The following FAM107A variants were observed in gnomAD, a reference collection of about 807,000 sequenced individuals.
FAM107A encodes family with sequence similarity 107 member A, also known as actin-associated protein FAM107A.
FAM107A carries 19 observed loss-of-function variants against 13.7 expected under a neutral mutation model. That is an observed-to-expected ratio of 1.38 (90% confidence interval 0.97 to 2.03). The LOEUF (loss-of-function observed/expected upper bound fraction) is 2.03, where lower values mean the gene tolerates loss of function less well. Among genes scored for constraint, FAM107A ranks in the 30% most tolerant of loss-of-function variants. The probability of loss-of-function intolerance (pLI) is 0.00; values close to 1 mark genes in which losing one functional copy is unlikely to be tolerated. For synonymous variants in FAM107A, 82 were observed against 74.5 expected (o/e 1.10, Z -0.52); for missense variants, 203 against 184.4 (o/e 1.10, Z -0.58).
intron 1 of FAM107A, among the ~76,000 whole-genome samples, chr3:58,592,756 A>G (rs1409439291): frequency 6.6e-6 from 1 of 152,214 alleles, no homozygotes; most frequent in African/African-American, 2.4e-5. Flanking sequence ...AGGACTGGAC[A>G]GTACTTTTAC....
chr3:58,607,809 C>T (rs1047470990), intron 1 of FAM107A: 2 of 152,228 alleles, frequency 1.3e-5, no homozygotes, highest in African/African-American at 4.8e-5. Context: ...TTCTGTTCTA[C>T]AACTGCAAGG....
chr3:58,596,723 G>A (rs531574080), intron 1 of FAM107A, among the ~76,000 whole-genome samples: 1 of 151,558 alleles, frequency 6.6e-6, no homozygotes, highest in African/African-American at 2.4e-5. Context: ...CCATTGTGCA[G>A]CTCAGTGAGG....
intron 1 of FAM107A, among the ~76,000 whole-genome samples, chr3:58,574,996 G>T (rs1318161112): frequency 6.6e-6 from 1 of 152,172 alleles, no homozygotes; most frequent in East Asian, 1.9e-4. Flanking sequence ...GACAGAAGGA[G>T]AGCTGCACTG....
upstream of FAM107A, among the ~76,000 whole-genome samples, chr3:58,590,720 C>G (rs1437797274): frequency 2.0e-5 from 3 of 152,200 alleles, no homozygotes; most frequent in Admixed American, 6.5e-5. Flanking sequence ...GTCACGAGAA[C>G]AGCATGGGGG....
intron 1 of FAM107A, among the ~76,000 whole-genome samples, chr3:58,602,417 A>G (rs2065760674): frequency 6.6e-6 from 1 of 152,216 alleles, no homozygotes; most frequent in African/African-American, 2.4e-5. Flanking sequence ...TGAAAGCCCT[A>G]CAAACCAGGC....
chr3:58,579,727 G>A (rs916551946), upstream of FAM107A, among the ~76,000 whole-genome samples: 6 of 152,138 alleles, frequency 3.9e-5, no homozygotes, highest in South Asian at 2.1e-4. Context: ...GCTCATCCCC[G>A]GAGAAGACAG....
At chr3:58,596,621 G>T (rs1040802768) in intron 1 of FAM107A, among the ~76,000 whole-genome samples, 2 of 151,572 alleles carry the variant, frequency 1.3e-5, no homozygotes, top group East Asian at 3.9e-4. Context: ...GGAGGTTGCA[G>T]TGAGCCCAGA....
At chr3:58,602,754 G>A (rs1168128625) in intron 1 of FAM107A, among the ~76,000 whole-genome samples, 3 of 152,144 alleles carry the variant, frequency 2.0e-5, no homozygotes, top group African/African-American at 7.2e-5. Context: ...TATGTATTCA[G>A]TCTTACATAT....
At position 58,608,989 on chromosome 3, in the gene FAM107A, G is replaced by C. The variant is rs1001442489; in HGVS notation, c.-70+18427C>G. 5 of 152,328 alleles carry C rather than the reference G, an allele frequency of 3.3e-5. No homozygotes were observed. The East Asian group carries it at 7.7e-4, about 23-fold the overall frequency. The allele number at this position is 152,328 out of a possible 1,614,324, so 9.4% of individuals were successfully genotyped here. On this transcript the variant is annotated intron_variant, in intron 1 of 3. Coordinates refer to the FAM107A transcript ENST00000465970. ...TCCCCTGGACACCTTCCTGAGATCT[G>C]CAGGGACTCTTGGCTCTCAGAGGGG...
chr3:58,612,374 G>A (rs2065862785), intron 1 of FAM107A, among the ~76,000 whole-genome samples: 1 of 152,184 alleles, frequency 6.6e-6, no homozygotes, highest in African/African-American at 2.4e-5. Context: ...GTGCTCAGGA[G>A]TTGGAGACGA....
intron 1 of FAM107A, among the ~76,000 whole-genome samples, chr3:58,572,573 G>A (rs1034441467): frequency 7.9e-5 from 12 of 152,300 alleles, no homozygotes; most frequent in Admixed American, 5.2e-4. Flanking sequence ...CTGGGAGAGC[G>A]CCTGGAGTGA....
rs1263991686 is a variant in FAM107A, at chr3:58,565,874, A to C, written c.*714T>G. The C allele has an allele frequency of 6.6e-6, 1 of 152,200 alleles. No individual in the cohort carries two copies. Among genetic ancestry groups the C allele is most frequent in the African/African-American group, 2.4e-5 (1 of 41,446 alleles). The allele number at this position is 152,200 out of a possible 1,614,324, so 9.4% of individuals were successfully genotyped here. A position where few individuals can be genotyped will look rare whatever the true frequency, so the allele number is the denominator to read the frequency against. On this transcript the variant is annotated 3_prime_UTR_variant, in exon 4 of 4. Coordinates refer to ENST00000360997, the MANE Select transcript of FAM107A (RefSeq NM_001076778.3). The stretch of plus-strand genomic sequence containing the variant: ...ATTAACAAGATCCCCAGTGATTTTT[A>C]TGCACAATCAAGTTTGTGAGGCACC...
rs1164377277 is a variant in FAM107A, at chr3:58,567,211, G to T, written c.324C>A (p.Asn108Lys). The T allele has an allele frequency of 6.2e-7, 1 of 1,614,158 alleles. No individual in the cohort carries two copies. The highest frequency in any genetic ancestry group is 2.2e-5 in the East Asian group (1 of 44,872). Residue 108 changes from asparagine (N) to lysine (K), a missense_variant, in exon 3 of 4, where the codon AAC becomes AAA. Transcript: ENST00000360997. ...CTGCTGGGTGCCCATCACCCACCTG[G>T]TTCAGCCTCTGCTGCCGTCTCAGCA... ...QELLRRQQRL[N>K]QLEKPPEKEE... is the part of the protein sequence containing the mutation.
rs2063658865 is a variant in FAM107A, at chr3:58,569,508, A to G, written c.170+183T>C. Among the ~76,000 whole-genome samples the G allele has an allele frequency of 5.9e-5, 9 of 152,172 alleles. No homozygotes were observed. On this transcript the variant is annotated intron_variant, in intron 2 of 3. Transcript: ENST00000360997. This position sits in a 1 kb window ranked among gnomAD's most constrained non-coding sequence, Gnocchi z 5.7. ...GGGCTTTTTGGTCCCTCTGGTTCCC[A>G]GGGACCCACTGGGGACAGGGTCTTT...
intron 1 of FAM107A, among the ~76,000 whole-genome samples, chr3:58,592,576 G>A (rs988076366): frequency 1.3e-5 from 2 of 152,090 alleles, no homozygotes; most frequent in African/African-American, 4.8e-5. Flanking sequence ...CCTCTATACA[G>A]TCCGATAACG....
chr3:58,585,552 C>G (rs533477226), intron 1 of FAM107A, among the ~76,000 whole-genome samples: 1 of 152,188 alleles, frequency 6.6e-6, no homozygotes, highest in Non-Finnish European at 1.5e-5. Flanking sequence ...GGACAGGCAC[C>G]GCCGCTGCAG....
At chr3:58,593,106 A>G (rs888798480) in intron 1 of FAM107A, among the ~76,000 whole-genome samples, 2 of 152,078 alleles carry the variant, frequency 1.3e-5, no homozygotes, top group Non-Finnish European at 2.9e-5. Context: ...GACCCTCCCC[A>G]TTGGGTTCAC....
chr3:58,627,064 T>A, intron 1 of FAM107A: 1 of 1,486,714 alleles, frequency 6.7e-7, no homozygotes, highest in Non-Finnish European at 9.1e-7. Flanking sequence ...CTGGCGTTGA[T>A]CTCAGGAGCC....
intron 1 of FAM107A, among the ~76,000 whole-genome samples, chr3:58,600,641 T>C (rs1323955811): frequency 6.6e-6 from 1 of 152,210 alleles, no homozygotes; most frequent in Non-Finnish European, 1.5e-5. Context: ...GAGAACATGG[T>C]AGCCACTAGC....
Sources: gnomAD v4.1 joint callset for allele counts (sites outside exome capture counted in the v4.1 genomes callset) on GRCh38, gnomAD v4.1.1 for gene constraint, Gnocchi (gnomAD v3.1) non-coding constraint, MANE v1.5 for transcripts, NCBI Gene and HGNC (gene_info 2026-07-23, HGNC 2026-07-21) for gene names.